The following HDAC4 variants were observed in gnomAD, a reference collection of about 807,000 sequenced individuals.
The protein encoded by HDAC4 is histone deacetylase A.
HDAC4 carries 16 observed loss-of-function variants against 135.1 expected under a neutral mutation model. The ratio of observed to expected loss-of-function variants is 0.12; its 90% confidence interval spans 0.08 to 0.18. The LOEUF is 0.18. Ranked by LOEUF, HDAC4 falls within the 10% of genes least tolerant of loss-of-function variation. The pLI is 1.00. For missense variants in HDAC4, 1,143 were observed against 1,511.8 expected (o/e 0.76, Z 4.05); for synonymous variants, 685 against 653.4 (o/e 1.05, Z -0.74).
chr2:239,375,850 C>G (rs1385905046), intron 1 of HDAC4, among the ~76,000 whole-genome samples: 2 of 152,222 alleles, frequency 1.3e-5, no homozygotes, highest in Non-Finnish European at 2.9e-5. Flanking sequence ...TCTTGCCCAG[C>G]CCAGGCCTCT....
chr2:239,391,166 G>A (rs186285221), intron 1 of HDAC4, among the ~76,000 whole-genome samples: 6 of 152,326 alleles, frequency 3.9e-5, no homozygotes, highest in African/African-American at 9.6e-5. Context: ...TCTGCATACC[G>A]GGTAGGGACG....
intron 2 of HDAC4, among the ~76,000 whole-genome samples, chr2:239,263,053 C>T (rs1300910309): frequency 2.6e-5 from 4 of 152,160 alleles, no homozygotes; most frequent in African/African-American, 2.4e-5. Context: ...CCCAAACACT[C>T]GGGACCAAGA....
intron 3 of HDAC4, among the ~76,000 whole-genome samples, chr2:239,197,390 G>A (rs946857148): frequency 8.5e-5 from 13 of 152,190 alleles, no homozygotes; most frequent in South Asian, 2.1e-4. Flanking sequence ...CCAGCGTTCC[G>A]AAATTTCGAA....
At chr2:239,151,200 T>C (rs2042096057) in intron 7 of HDAC4, among the ~76,000 whole-genome samples, 1 of 152,258 alleles carries the variant, frequency 6.6e-6, no homozygotes. Flanking sequence ...TTCAGGTCAC[T>C]AGTACACAGG....
chr2:239,260,655 G>A (rs939825967), intron 2 of HDAC4, among the ~76,000 whole-genome samples: 4 of 152,162 alleles, frequency 2.6e-5, no homozygotes, highest in Non-Finnish European at 4.4e-5. Context: ...CCTGTGGCCT[G>A]TGGCCTCCGG....
rs2040204402 is a variant in HDAC4 at position 239,126,591 on chromosome 2, T to C, written c.1398A>G (p.Pro466=). The stretch of plus-strand genomic sequence containing the variant: ...GCGGGGCCGACTGGGTCCGCCCCAG[T>C]GGGCGGTGCTGCCGCAGCTTGTGGA... ...PSIHKLRQHR[P]LGRTQSAPLP... The change falls in exon 12 of 27, where the codon CCA becomes CCG. Residue 466 remains proline, a synonymous_variant. Coordinates refer to ENST00000543185, the MANE Select transcript of HDAC4 (RefSeq NM_001378414.1). The C allele has an allele frequency of 6.2e-7, 1 of 1,613,754 alleles. No individual in the cohort carries two copies. Among genetic ancestry groups the C allele is most frequent in the Non-Finnish European group, 8.5e-7 (1 of 1,179,964 alleles).
At chr2:239,133,352 A>G (rs541393737) in intron 11 of HDAC4, among the ~76,000 whole-genome samples, 1 of 152,246 alleles carries the variant, frequency 6.6e-6, no homozygotes, top group African/African-American at 2.4e-5. Context: ...TCACAGGTGC[A>G]GCTCTGAGGG....
intron 2 of HDAC4, among the ~76,000 whole-genome samples, chr2:239,255,179 A>G (rs894153103): frequency 6.6e-5 from 10 of 152,252 alleles, no homozygotes; most frequent in Non-Finnish European, 4.4e-5. Context: ...TGACAGAAGC[A>G]ATGGTAAGGC....
intron 2 of HDAC4, among the ~76,000 whole-genome samples, chr2:239,310,709 G>A (rs984202230): frequency 1.3e-5 from 2 of 152,190 alleles, no homozygotes; most frequent in African/African-American, 2.4e-5. Context: ...AAAGGGCCAG[G>A]ACCCTGATGC....
At chr2:239,131,326 C>T (rs1044484009) in intron 11 of HDAC4, among the ~76,000 whole-genome samples, 3 of 151,852 alleles carry the variant, frequency 2.0e-5, no homozygotes, top group African/African-American at 7.2e-5. Context: ...GCTTTGATAT[C>T]CTATACACCT....
chr2:239,384,789 G>C (rs1265056766), intron 1 of HDAC4, among the ~76,000 whole-genome samples: 1 of 152,178 alleles, frequency 6.6e-6, no homozygotes, highest in Non-Finnish European at 1.5e-5. Context: ...ATGCCGATTT[G>C]TATTCAAACA....
chr2:239,209,974 G>A (rs1371846205), intron 3 of HDAC4, among the ~76,000 whole-genome samples: 1 of 152,192 alleles, frequency 6.6e-6, no homozygotes, highest in East Asian at 1.9e-4. Flanking sequence ...CGGGTGGAGA[G>A]GCAGGGAGCG....
At chr2:239,373,979 C>G (rs1388606267) in intron 1 of HDAC4, among the ~76,000 whole-genome samples, 1 of 152,104 alleles carries the variant, frequency 6.6e-6, no homozygotes, top group Admixed American at 6.5e-5. Context: ...AACAATTGAC[C>G]AGCCACTGAA....
At chr2:239,148,728 G>A (rs912577643) in intron 7 of HDAC4, among the ~76,000 whole-genome samples, 3 of 152,226 alleles carry the variant, frequency 2.0e-5, no homozygotes, top group East Asian at 3.9e-4. Flanking sequence ...CCAAGATGGC[G>A]AGGCCGCAGA....
At chr2:239,359,782 C>T (rs2125955450) in intron 1 of HDAC4, among the ~76,000 whole-genome samples, 1 of 152,312 alleles carries the variant, frequency 6.6e-6, no homozygotes, top group East Asian at 1.9e-4. Flanking sequence ...AGAGAGGAAG[C>T]AGAAGACTCG....
At chr2:239,260,190 T>C (rs922053332) in intron 2 of HDAC4, among the ~76,000 whole-genome samples, 1 of 152,224 alleles carries the variant, frequency 6.6e-6, no homozygotes, top group African/African-American at 2.4e-5. Flanking sequence ...GTCCAGACTC[T>C]GCAGGCGCCC....
intron 3 of HDAC4, among the ~76,000 whole-genome samples, chr2:239,225,208 C>A (rs573333872): frequency 1.3e-5 from 2 of 152,150 alleles, no homozygotes; most frequent in Non-Finnish European, 2.9e-5. Context: ...ATGTAATATG[C>A]TTTACAAATT....
intron 2 of HDAC4, among the ~76,000 whole-genome samples, chr2:239,290,742 GCACGCACTCACACA>G (rs1247899656): frequency 2.6e-5 from 4 of 152,032 alleles, no homozygotes; most frequent in African/African-American, 9.7e-5. Flanking sequence ...GCACACACGC[GCACGCACTCACACA>G]CACACCACAC....
Position 239,400,733 on chromosome 2 carries a change from C to T in HDAC4, c.-220+245G>A, listed in dbSNP as rs2126148269. 1.4e-5 allele frequency: 2 copies of T among 145,928 alleles called. No individual in the cohort carries two copies. The highest frequency in any genetic ancestry group is 3.9e-4 in the South Asian group (2 of 5,076). 9.0% of individuals were successfully genotyped at this position (145,928 alleles called of 1,614,324 possible). On this transcript the variant is annotated intron_variant, in intron 1 of 26. Transcript: ENST00000543185. The surrounding 1 kb of genome is among the most constrained non-coding windows in gnomAD (Gnocchi z 4.7). ...GGCCGGCTCTAGCCCTGCTCCGGCG[C>T]TCCGCGCCGCATCTCCTCAGCCTGC...
Sources: gnomAD v4.1 joint callset for allele counts (sites outside exome capture counted in the v4.1 genomes callset) on GRCh38, gnomAD v4.1.1 for gene constraint, Gnocchi (gnomAD v3.1) non-coding constraint, MANE v1.5 for transcripts, NCBI Gene and HGNC (gene_info 2026-07-23, HGNC 2026-07-21) for gene names.